The following HDAC4 variants were observed in gnomAD, a reference collection of about 807,000 sequenced individuals.
HDAC4 encodes histone deacetylase A.
A neutral mutation model predicts 135.1 loss-of-function variants in HDAC4; 16 were observed. The observed-to-expected ratio is 0.12, with a 90% CI of 0.08 to 0.18. The LOEUF (loss-of-function observed/expected upper bound fraction) is 0.18. Ranked by LOEUF, HDAC4 falls within the 10% of genes least tolerant of loss-of-function variation. HDAC4 has a pLI of 1.00. For synonymous variants in HDAC4, 685 were observed against 653.4 expected (o/e 1.05, Z -0.74); for missense variants, 1,143 against 1,511.8 (o/e 0.76, Z 4.05).
chr2:239,311,850 G>C (rs1370240398), intron 2 of HDAC4, among the ~76,000 whole-genome samples: 1 of 152,158 alleles, frequency 6.6e-6, no homozygotes, highest in Admixed American at 6.5e-5. Flanking sequence ...GAGCCAGCAG[G>C]GTCCTTGACC....
intron 2 of HDAC4, among the ~76,000 whole-genome samples, chr2:239,289,580 G>C (rs896232460): frequency 8.1e-6 from 1 of 122,968 alleles, no homozygotes; most frequent in Non-Finnish European, 1.8e-5. Flanking sequence ...GAGGAGCAGA[G>C]GTCTTTTCTT....
At chr2:239,234,890 C>G (rs755109859) in intron 3 of HDAC4, among the ~76,000 whole-genome samples, 2 of 152,184 alleles carry the variant, frequency 1.3e-5, no homozygotes, top group Non-Finnish European at 2.9e-5. Flanking sequence ...ATCAAGCTAT[C>G]AGAAAATCCT....
In HDAC4 at chr2:239,204,221, G is replaced by A. The variant is rs1311477780; in HGVS notation, c.95-14144C>T. Among the ~76,000 whole-genome samples the A allele has an allele frequency of 5.9e-5, 9 of 152,306 alleles. No homozygotes were observed. The South Asian group carries it at 1.7e-3, about 28-fold the overall frequency. ...TCCTGCTGGCCGGCCGTGTCCCGGC[G>A]TCCCCATGCTGTGCAGGTGTAGTGA... On this transcript the variant is annotated intron_variant, in intron 3 of 26. Coordinates refer to ENST00000543185, the MANE Select transcript of HDAC4 (RefSeq NM_001378414.1).
intron 21 of HDAC4, 82 bp downstream of exon 21, chr2:239,082,020 T>C (rs2035383749): frequency 2.7e-6 from 4 of 1,473,470 alleles, no homozygotes; most frequent in Non-Finnish European, 1.9e-6. Flanking sequence ...GCCGGGCAGC[T>C]GTGGACCGTC....
rs1489606823 is a variant in HDAC4 at position 239,309,198 on chromosome 2, G to A, written c.22+43480C>T. 6.6e-6 allele frequency: 1 copy of A among 152,088 alleles called. No homozygotes were observed. Among genetic ancestry groups the A allele is most frequent in the Non-Finnish European group, 1.5e-5 (1 of 68,020 alleles). The allele number at this position is 152,088 out of a possible 1,614,324, so 9.4% of individuals were successfully genotyped here. A position where few individuals can be genotyped will look rare whatever the true frequency, so the allele number is the denominator to read the frequency against. On this transcript the variant is annotated intron_variant, in intron 2 of 26. Transcript: ENST00000543185. This position sits in a 1 kb window ranked among gnomAD's most constrained non-coding sequence, Gnocchi z 4.2. ...CAAGTCCTGCTCTCCCGGCGGCCTC[G>A]CTGGGGAAGAATTCAGCCGCTCCAC...
chr2:239,230,548 G>A (rs114113833), intron 3 of HDAC4, among the ~76,000 whole-genome samples: 5,240 of 151,966 alleles, frequency 0.034, 306 homozygotes, highest in African/African-American at 0.12. Flanking sequence ...GGCAGGCGCC[G>A]CCAGGACGAG....
chr2:239,148,041 G>A (rs561136457), intron 7 of HDAC4, among the ~76,000 whole-genome samples: 40 of 152,328 alleles, frequency 2.6e-4, no homozygotes, highest in African/African-American at 9.4e-4. Flanking sequence ...GTGGAGGGCG[G>A]TTTCTTTGTG....
At chr2:239,234,097 G>A (rs1183576443) in intron 3 of HDAC4, among the ~76,000 whole-genome samples, 1 of 152,190 alleles carries the variant, frequency 6.6e-6, no homozygotes, top group African/African-American at 2.4e-5. Context: ...GGGTTGAAAT[G>A]ACCAAAATGC....
At chr2:239,357,353 A>G (rs1207870064) in intron 1 of HDAC4, among the ~76,000 whole-genome samples, 3 of 152,196 alleles carry the variant, frequency 2.0e-5, no homozygotes, top group Non-Finnish European at 4.4e-5. Flanking sequence ...AGGAGGAAAC[A>G]TAAGTACCAA....
rs182764315 is a variant in HDAC4, at chr2:239,053,052, A to G, written c.*45T>C. 3 of 1,611,722 alleles carry G rather than the reference A, an allele frequency of 1.9e-6. No homozygotes were observed. The East Asian group carries it at 6.7e-5, about 36-fold the overall frequency. On this transcript the variant is annotated 3_prime_UTR_variant, in exon 27 of 27. Coordinates refer to ENST00000543185, the MANE Select transcript of HDAC4 (RefSeq NM_001378414.1). ...CGGGAAAGTTTCTTGGCTGAGCTTC[A>G]AGACAGAGACAGACAGACAAGAGAA...
intron 2 of HDAC4, among the ~76,000 whole-genome samples, chr2:239,337,663 C>T (rs1692026868): frequency 6.6e-6 from 1 of 152,146 alleles, no homozygotes; most frequent in African/African-American, 2.4e-5. Flanking sequence ...AAATTAACAT[C>T]CACATATCTG....
intron 25 of HDAC4, 50 bp downstream of exon 25, chr2:239,054,699 T>G: frequency 8.6e-7 from 1 of 1,168,554 alleles, no homozygotes. Flanking sequence ...TGTGGTGCAG[T>G]CCCACCCCCA....
chr2:239,049,839 C>G lies in HDAC4; in HGVS notation c.*3258G>C, dbSNP rs1027714177. 6.6e-6 allele frequency: 1 copy of G among 152,444 alleles called. No homozygotes were observed. The highest frequency in any genetic ancestry group is 1.5e-5 in the Non-Finnish European group (1 of 68,086). 9.4% of individuals were successfully genotyped at this position (152,444 alleles called of 1,614,324 possible). A position where few individuals can be genotyped will look rare whatever the true frequency, so the allele number is the denominator to read the frequency against. On this transcript the variant is annotated 3_prime_UTR_variant, in exon 27 of 27. Coordinates refer to ENST00000543185, the MANE Select transcript of HDAC4 (RefSeq NM_001378414.1). ...GGTGGGGCGTGGGCACGTGGGCACG[C>G]TGCGGCACGGCGGGAAGCCGCGAGG... is the stretch of plus-strand genomic sequence containing the variant.
chr2:239,333,275 GAAGA>G (rs1337305301), intron 2 of HDAC4, among the ~76,000 whole-genome samples: 4 of 151,818 alleles, frequency 2.6e-5, no homozygotes, highest in South Asian at 2.1e-4. Flanking sequence ...GTAAAAAAAA[GAAGA>G]AAGAAAAGAA....
intron 12 of HDAC4, among the ~76,000 whole-genome samples, chr2:239,118,927 C>T (rs543288304): frequency 6.6e-6 from 1 of 152,308 alleles, no homozygotes; most frequent in East Asian, 1.9e-4. Flanking sequence ...CACTGAGAGC[C>T]TGAGAGGCCC....
chr2:239,350,292 T>C (rs1263901177), intron 2 of HDAC4, among the ~76,000 whole-genome samples: 1 of 151,818 alleles, frequency 6.6e-6, no homozygotes, highest in Non-Finnish European at 1.5e-5. Context: ...AACACTGAAC[T>C]ATATAAAGCA....
At chr2:239,365,939 CTA>C (rs746401329) in intron 1 of HDAC4, among the ~76,000 whole-genome samples, 11 of 151,754 alleles carry the variant, frequency 7.2e-5, no homozygotes, top group South Asian at 2.1e-4. Flanking sequence ...GCGTGTGGCA[CTA>C]TGTGACATAC....
At chr2:239,123,813 C>T (rs570660213) in intron 12 of HDAC4, among the ~76,000 whole-genome samples, 1 of 152,252 alleles carries the variant, frequency 6.6e-6, no homozygotes, top group African/African-American at 2.4e-5. Flanking sequence ...GGTCTCTCCC[C>T]ACGGCTTTAC....
In HDAC4 at chr2:239,106,736, TAA is replaced by T. The variant is rs1327922783; in HGVS notation, c.2112+1312_2112+1313del. Among the ~76,000 whole-genome samples, 3 of 70,600 alleles carry T rather than the reference TAA, an allele frequency of 4.2e-5. No individual in the cohort carries two copies. The East Asian group carries it at 2.1e-3, about 50-fold the overall frequency. The allele number at this position is 70,600 out of a possible 152,430, so 46.3% of individuals were successfully genotyped here. A position where few individuals can be genotyped will look rare whatever the true frequency, so the allele number is the denominator to read the frequency against. ...AAAAGTTCACAAATATCCCAGCTTC[TAA>T]AGGAGGGCAGGCGAACCTGCAGGGC... On this transcript the variant is annotated intron_variant, in intron 15 of 26. Coordinates refer to ENST00000543185, the MANE Select transcript of HDAC4 (RefSeq NM_001378414.1).
Sources: allele counts gnomAD v4.1 joint callset (sites outside exome capture counted in the v4.1 genomes callset), GRCh38; gene constraint gnomAD v4.1.1; non-coding constraint Gnocchi (gnomAD v3.1); transcripts MANE v1.5; gene names NCBI Gene and HGNC (gene_info 2026-07-23, HGNC 2026-07-21).